MAGI1: variants seen among roughly 807,000 people sequenced by gnomAD.
MAGI1 encodes membrane-associated guanylate kinase, WW and PDZ domain-containing protein 1.
MAGI1 carries 58 observed loss-of-function variants against 139.9 expected under a neutral mutation model. The observed-to-expected ratio is 0.41, with a 90% CI of 0.34 to 0.52. The LOEUF is 0.52. MAGI1 is among the 20% of genes least tolerant of loss of function. The pLI is 0.12. For synonymous variants in MAGI1, 812 were observed against 737.9 expected (o/e 1.10, Z -1.63); for missense variants, 1,874 against 1,901.6 (o/e 0.99, Z 0.27).
chr3:65,751,599 T>G lies in MAGI1; in HGVS notation c.314-129511A>C, dbSNP rs549498765. Among the ~76,000 whole-genome samples the G allele has an allele frequency of 2.0e-5, 3 of 152,280 alleles. 1 individual carries two copies. The highest frequency in any genetic ancestry group is 6.8e-3 in the Middle Eastern group (2 of 294). Reference sequence around the variant, plus strand: ...TAATCTTGTCATTTAATAGAGGCCTTAGGAAAGAGAGAGATGACAAAGGCA... The same window carrying G: ...TAATCTTGTCATTTAATAGAGGCCTGAGGAAAGAGAGAGATGACAAAGGCA... On this transcript the variant is annotated intron_variant, in intron 1 of 22. Coordinates refer to ENST00000402939, the MANE Select transcript of MAGI1 (RefSeq NM_001033057.2).
At chr3:65,810,250 T>C (rs1398517344) in intron 1 of MAGI1, among the ~76,000 whole-genome samples, 1 of 152,232 alleles carries the variant, frequency 6.6e-6, no homozygotes, top group African/African-American at 2.4e-5. Context: ...AGGACCCTTC[T>C]CCCAAAGACA....
At chr3:65,906,269 C>T (rs1206012839) in intron 1 of MAGI1, among the ~76,000 whole-genome samples, 1 of 152,014 alleles carries the variant, frequency 6.6e-6, no homozygotes, top group Non-Finnish European at 1.5e-5. Flanking sequence ...TGGAATAGCA[C>T]GTAAAAGCTC....
chr3:65,864,117 A>G lies in MAGI1; in HGVS notation c.313+173879T>C, dbSNP rs146710851. Among the ~76,000 whole-genome samples, 112 of 152,352 alleles carry G rather than the reference A, an allele frequency of 7.4e-4. 1 individual carries two copies. The highest frequency in any genetic ancestry group is 2.6e-3 in the African/African-American group (108 of 41,576). ...AAAATGAAAAAAACGTAAACCAAAA[A>G]AAATAAGGTTATATAATAGCATGTA... On this transcript the variant is annotated intron_variant, in intron 1 of 22. Coordinates refer to ENST00000402939, the MANE Select transcript of MAGI1 (RefSeq NM_001033057.2).
At chr3:65,932,490 T>G (rs141131419) in intron 1 of MAGI1, among the ~76,000 whole-genome samples, 1 of 152,310 alleles carries the variant, frequency 6.6e-6, no homozygotes, top group East Asian at 1.9e-4. Context: ...CCCTTCAGCA[T>G]TCCCACCATC....
intron 5 of MAGI1, among the ~76,000 whole-genome samples, chr3:65,454,259 T>C (rs1949231438): frequency 6.6e-6 from 1 of 152,048 alleles, no homozygotes; most frequent in African/African-American, 2.4e-5. Flanking sequence ...GAAATCATCA[T>C]TCTCAGTAAA....
chr3:65,534,469 G>A (rs549615570), intron 2 of MAGI1, among the ~76,000 whole-genome samples: 7 of 152,114 alleles, frequency 4.6e-5, no homozygotes, highest in Non-Finnish European at 1.0e-4. Context: ...CAGCCTCGGT[G>A]AGAGAGTGAG....
At chr3:65,459,729 C>A (rs1181928265) in intron 5 of MAGI1, among the ~76,000 whole-genome samples, 1 of 152,036 alleles carries the variant, frequency 6.6e-6, no homozygotes, top group African/African-American at 2.4e-5. Flanking sequence ...TGGAGACCAG[C>A]CTGGGCAACA....
At chr3:65,559,960 C>T (rs1046113552) in intron 2 of MAGI1, among the ~76,000 whole-genome samples, 3 of 152,062 alleles carry the variant, frequency 2.0e-5, no homozygotes, top group East Asian at 1.9e-4. Flanking sequence ...CATCTGAGCC[C>T]GGCAAGTCGT....
At chr3:65,677,235 C>T (rs776405376) in intron 1 of MAGI1, among the ~76,000 whole-genome samples, 6 of 151,094 alleles carry the variant, frequency 4.0e-5, no homozygotes, top group Non-Finnish European at 7.4e-5. Flanking sequence ...TATTTTTAAA[C>T]GTTATTTTGT....
intron 1 of MAGI1, among the ~76,000 whole-genome samples, chr3:65,734,568 A>AGG (rs1316869611): frequency 2.4e-5 from 3 of 123,766 alleles, no homozygotes; most frequent in South Asian, 4.5e-4. Flanking sequence ...AAAGAGAGAG[A>AGG]GGGAGAGAGA....
intron 1 of MAGI1, among the ~76,000 whole-genome samples, chr3:65,689,194 T>A (rs573219312): frequency 1.4e-4 from 22 of 152,326 alleles, no homozygotes; most frequent in Admixed American, 2.6e-4. Context: ...TGAACAATCT[T>A]TTTACTTGAT....
At chr3:65,997,760 C>T (rs1273394173) in intron 1 of MAGI1, among the ~76,000 whole-genome samples, 1 of 152,160 alleles carries the variant, frequency 6.6e-6, no homozygotes, top group Non-Finnish European at 1.5e-5. Context: ...TTTGTGTTTC[C>T]TCTTTTCCCT....
At chr3:65,378,334 T>C (rs937526632) in intron 17 of MAGI1, among the ~76,000 whole-genome samples, 1 of 152,134 alleles carries the variant, frequency 6.6e-6, no homozygotes, top group African/African-American at 2.4e-5. Context: ...GAAAATCGAA[T>C]GACTCTTAAC....
intron 2 of MAGI1, among the ~76,000 whole-genome samples, chr3:65,598,925 C>A (rs912302767): frequency 6.6e-6 from 1 of 152,182 alleles, no homozygotes; most frequent in Non-Finnish European, 1.5e-5. Flanking sequence ...TTCAAATGGT[C>A]AGTCATTGCT....
At chr3:65,718,144 A>G (rs1471195774) in intron 1 of MAGI1, among the ~76,000 whole-genome samples, 5 of 152,170 alleles carry the variant, frequency 3.3e-5, no homozygotes, top group Non-Finnish European at 7.3e-5. Flanking sequence ...ACAGTGACAT[A>G]CAACTGATAG....
At chr3:65,802,848 C>CTGTGTGTGTGTGTGTGTGTGTGTG (rs55814110) in intron 1 of MAGI1, among the ~76,000 whole-genome samples, 1 of 138,134 alleles carries the variant, frequency 7.2e-6, no homozygotes, top group Admixed American at 7.4e-5. Context: ...ATCATCTCAT[C>CTGTGTGTGTGTGTGTGTGTGTGTG]TGTGTGTGTG....
intron 2 of MAGI1, among the ~76,000 whole-genome samples, chr3:65,586,543 T>C (rs1348081361): frequency 6.6e-6 from 1 of 152,152 alleles, no homozygotes; most frequent in East Asian, 1.9e-4. Context: ...TGTTGCAAGT[T>C]AATTTTCAAA....
intron 22 of MAGI1, among the ~76,000 whole-genome samples, chr3:65,358,699 TACCTGACCAAGCAGGAAATCTCG>T (rs1940470035): frequency 6.6e-6 from 1 of 152,152 alleles, no homozygotes; most frequent in Non-Finnish European, 1.5e-5. Context: ...TGCAAAGAGA[TACCTGACCAAGCAGGAAATCTCG>T]TCTTCCCATC....
At chr3:65,628,401 T>C (rs565399688) in intron 1 of MAGI1, among the ~76,000 whole-genome samples, 7 of 151,742 alleles carry the variant, frequency 4.6e-5, no homozygotes, top group Non-Finnish European at 1.0e-4. Context: ...CAGAACAAAG[T>C]CCAGAGAAAA....
Sources: gnomAD v4.1 joint callset for allele counts (sites outside exome capture counted in the v4.1 genomes callset) on GRCh38, gnomAD v4.1.1 for gene constraint, MANE v1.5 for transcripts, NCBI Gene and HGNC (gene_info 2026-07-23, HGNC 2026-07-21) for gene names.